DHX8: variants seen among roughly 807,000 people sequenced by gnomAD.
DHX8 encodes the protein ATP-dependent RNA helicase DHX8.
In DHX8, 67 loss-of-function variants were observed where a neutral mutation model predicts 140.7. That is an observed-to-expected ratio of 0.48 (90% confidence interval 0.39 to 0.58). DHX8 has a LOEUF of 0.58. Among genes scored for constraint, DHX8 ranks in the 20% least tolerant of loss-of-function variants. The probability of loss-of-function intolerance (pLI) is 0.00; values close to 1 mark genes in which losing one functional copy is unlikely to be tolerated. For synonymous variants in DHX8, 533 were observed against 553.2 expected, an observed-to-expected ratio of 0.96 and a Z score of 0.51; for missense variants, 887 against 1,550.7, an observed-to-expected ratio of 0.57 and a Z score of 7.19.
At chr17:43,514,968 G>C (rs1412827045) in intron 17 of DHX8, among the ~76,000 whole-genome samples, 1 of 152,110 alleles carries the variant, frequency 6.6e-6, no homozygotes, top group East Asian at 1.9e-4. Flanking sequence ...CATTTCTTCA[G>C]AGTATGTGTG....
Position 43,492,709 on chromosome 17 carries a change from C to G in DHX8, c.532C>G (p.Arg178Gly). 1 of 1,598,768 alleles carries G rather than the reference C, an allele frequency of 6.3e-7. No individual in the cohort carries two copies. Among genetic ancestry groups the G allele is most frequent in the Non-Finnish European group, 8.6e-7 (1 of 1,166,096 alleles). ...RDRTKKKKRSRSRDRNRDRDR... is the reference protein window; with the variant it reads ...RDRTKKKKRSGSRDRNRDRDR... Reference sequence around the variant, plus strand: ...CAGGACAAAGAAGAAGAAGCGGAGTCGAAGCCGAGATCGAAACCGAGATCG... The same window carrying G: ...CAGGACAAAGAAGAAGAAGCGGAGTGGAAGCCGAGATCGAAACCGAGATCG... Residue 178 changes from arginine (R) to glycine (G), a missense_variant, in exon 6 of 23, where the codon CGA becomes GGA. By Grantham distance (125) the Arg-to-Gly change is moderately radical. Coordinates refer to ENST00000262415, the MANE Select transcript of DHX8 (RefSeq NM_004941.3).
At chr17:43,507,300 C>T (rs1292015435) in intron 13 of DHX8, 103 bp downstream of exon 13, 2 of 1,332,662 alleles carry the variant, frequency 1.5e-6, no homozygotes, top group African/African-American at 2.9e-5. Context: ...TTTCAGGTTT[C>T]TCCTGAGGGA....
rs1287657058 is a variant in DHX8, at chr17:43,537,603, G to A, written c.*20+1105G>A. Among the ~76,000 whole-genome samples the A allele has an allele frequency of 2.6e-5, 4 of 151,892 alleles. No homozygotes were observed. The East Asian group carries it at 7.8e-4, about 29-fold the overall frequency. ...CCCAGCTACTCGGAAGGCTGAGGCAGGAGAATTGCTTGAACCCAGGAGGCA... is the reference window on the plus strand; with the variant it reads ...CCCAGCTACTCGGAAGGCTGAGGCAAGAGAATTGCTTGAACCCAGGAGGCA... On this transcript the variant is annotated intron_variant, in intron 3 of 3. Transcript: ENST00000589898.
Position 43,484,103 on chromosome 17 carries a change from T to G in DHX8, c.66T>G (p.Leu22=), listed in dbSNP as rs1967971196. The G allele has an allele frequency of 1.9e-6, 3 of 1,614,124 alleles. No individual in the cohort carries two copies. The highest frequency in any genetic ancestry group is 4.5e-5 in the East Asian group (2 of 44,874). ...CGGAGCCAGGCCCCGCGGAAGAACT[T>G]GCCAAACTCGAGTACCTGTCTTTGG... ...IGSEPGPAEE[L]AKLEYLSLVS... is the part of the protein sequence containing the mutation. The change falls in exon 1 of 23, where the codon CTT becomes CTG. Residue 22 remains leucine (L), a synonymous_variant. Coordinates refer to ENST00000262415, the MANE Select transcript of DHX8 (RefSeq NM_004941.3).
In DHX8 at chr17:43,507,103, G is replaced by A. The variant is rs1969540019; in HGVS notation, c.1829G>A (p.Arg610Lys). The A allele has an allele frequency of 6.2e-7, 1 of 1,613,976 alleles. No homozygotes were observed. The highest frequency in any genetic ancestry group is 1.7e-5 in the Admixed American group (1 of 59,984). The stretch of plus-strand genomic sequence containing the variant: ...CTGGCGGAGGCAGGCTACACTTCCA[G>A]GGGCAAGATTGGGTGTACCCAGCCC... Reference protein sequence around the residue: ...QYLAEAGYTSRGKIGCTQPRR... With the variant: ...QYLAEAGYTSKGKIGCTQPRR... Residue 610 changes from arginine to lysine, a missense_variant, in exon 13 of 23, where the codon AGG (arginine) becomes AAG (lysine). Transcript: ENST00000262415.
At chr17:43,539,169 G>A (rs909367114) in intron 3 of DHX8, among the ~76,000 whole-genome samples, 1 of 152,090 alleles carries the variant, frequency 6.6e-6, no homozygotes, top group African/African-American at 2.4e-5. Context: ...GCTTGCCCTT[G>A]GCCTCCAAGG....
intron 3 of DHX8, among the ~76,000 whole-genome samples, chr17:43,537,785 G>A (rs897915370): frequency 5.3e-5 from 8 of 152,036 alleles, no homozygotes; most frequent in East Asian, 1.9e-4. Flanking sequence ...ACGAGGTCAG[G>A]AGTTTGAGAC....
chr17:43,491,151 T>C lies in DHX8; in HGVS notation c.308-14T>C. 1 of 1,454,344 alleles carries C rather than the reference T, an allele frequency of 6.9e-7. No homozygotes were observed. Among genetic ancestry groups the C allele is most frequent in the African/African-American group, 1.4e-5 (1 of 70,282 alleles). 90.1% of individuals were successfully genotyped at this position (1,454,344 alleles called of 1,614,324 possible). A position where few individuals can be genotyped will look rare whatever the true frequency, so the allele number is the denominator to read the frequency against. On this transcript the variant is annotated splice_polypyrimidine_tract_variant and intron_variant, in intron 3 of 22. Coordinates refer to ENST00000262415, the MANE Select transcript of DHX8 (RefSeq NM_004941.3). The stretch of plus-strand genomic sequence containing the variant: ...CTCTTTTTTTAACCCCTTCATGCTC[T>C]TTAATGAAACAAGATCCAGTTGTTA...
At chr17:43,528,411 G>A (rs1970691087), downstream of DHX8, 2 of 752,226 alleles carry the variant, frequency 2.7e-6, no homozygotes, top group Admixed American at 5.7e-5. Flanking sequence ...GTGGGGATCT[G>A]CCCCAGAGAC....
chr17:43,516,449 T>A (rs1250788331), intron 17 of DHX8, among the ~76,000 whole-genome samples: 1 of 151,804 alleles, frequency 6.6e-6, no homozygotes, highest in Admixed American at 6.5e-5. Flanking sequence ...TTTTATTTTT[T>A]ATTTTATTTT....
At chr17:43,520,715 C>T (rs765497951) in intron 19 of DHX8, 36 bp from the exon 20 acceptor site, 60 of 1,613,306 alleles carry the variant, frequency 3.7e-5, no homozygotes, top group East Asian at 3.3e-4. Context: ...GTGTCTTCCA[C>T]AGGGAAGCAG....
chr17:43,513,298 A>G, intron 16 of DHX8, 64 bp from the exon 17 acceptor site: 2 of 1,537,034 alleles, frequency 1.3e-6, no homozygotes, highest in Non-Finnish European at 8.8e-7. Context: ...GGTTCAGAAG[A>G]CCTTTTCACA....
chr17:43,493,364 TGTTA>T, intron 6 of DHX8, 77 bp from the exon 7 acceptor site: 1 of 1,543,170 alleles, frequency 6.5e-7, no homozygotes, highest in South Asian at 1.2e-5. Flanking sequence ...CATTTTCTTT[TGTTA>T]GTTCCAGTAA....
intron 2 of DHX8, among the ~76,000 whole-genome samples, chr17:43,535,099 G>A (rs555818068): frequency 2.6e-5 from 4 of 152,302 alleles, no homozygotes; most frequent in Middle Eastern, 3.4e-3. Flanking sequence ...CTCTGGCCAC[G>A]AGGCTGAGCA....
Position 43,484,081 on chromosome 17 carries a change from A to G in DHX8, c.44A>G (p.Glu15Gly). The G allele has an allele frequency of 6.2e-7, 1 of 1,614,130 alleles. No individual in the cohort carries two copies. The highest frequency in any genetic ancestry group is 8.5e-7 in the Non-Finnish European group (1 of 1,180,022). ...VAMAGALIGS[E>G]PGPAEELAKL... ...ATGGCGGGAGCCTTAATCGGGTCGG[A>G]GCCAGGCCCCGCGGAAGAACTTGCC... The change falls in exon 1 of 23, where the codon GAG (glutamate) becomes GGG (glycine). Residue 15 changes from glutamate (E) to glycine (G), a missense_variant. Around this residue, in one of 9 missense-constraint regions of DHX8, gnomAD observed 32 missense variants for 25.1 expected, o/e 1.28. Coordinates refer to ENST00000262415, the MANE Select transcript of DHX8 (RefSeq NM_004941.3).
chr17:43,525,173 G>T lies in DHX8; in HGVS notation c.*1326G>T. 1 of 985,458 alleles carries T rather than the reference G, an allele frequency of 1.0e-6. No individual in the cohort carries two copies. Among genetic ancestry groups the T allele is most frequent in the African/African-American group, 1.7e-5 (1 of 57,338 alleles). 61.0% of individuals were successfully genotyped at this position (985,458 alleles called of 1,614,324 possible). ...TCGGAACTTACGGAAAGCTGGTCTGGATGTAGTGCTTGTAGAGAAGCTTCT... is the reference window on the plus strand; with the variant it reads ...TCGGAACTTACGGAAAGCTGGTCTGTATGTAGTGCTTGTAGAGAAGCTTCT... On this transcript the variant is annotated 3_prime_UTR_variant, in exon 23 of 23. Coordinates refer to ENST00000262415, the MANE Select transcript of DHX8 (RefSeq NM_004941.3).
intron 1 of DHX8, among the ~76,000 whole-genome samples, chr17:43,489,247 C>T (rs535065509): frequency 1.2e-4 from 19 of 152,314 alleles, no homozygotes; most frequent in East Asian, 3.9e-4. Flanking sequence ...TCAAGTGATC[C>T]GCCTGCCTTG....
At chr17:43,501,325 A>C (rs1969183228) in intron 11 of DHX8, among the ~76,000 whole-genome samples, 1 of 152,072 alleles carries the variant, frequency 6.6e-6, no homozygotes, top group South Asian at 2.1e-4. Flanking sequence ...GGGGTGGGAA[A>C]GAAGGAACTG....
intron 19 of DHX8, 81 bp from the exon 20 acceptor site, chr17:43,520,665 TACCCA>T: frequency 2.6e-6 from 4 of 1,541,468 alleles, no homozygotes; most frequent in Non-Finnish European, 3.6e-6. Flanking sequence ...TCTGTGTTGT[TACCCA>T]CTCTGACCAA....
Sources: gnomAD v4.1 joint callset for allele counts (sites outside exome capture counted in the v4.1 genomes callset) on GRCh38, gnomAD v4.1.1 for gene constraint, gnomAD v4.1.1 regional missense constraint, MANE v1.5 for transcripts, NCBI Gene and HGNC (gene_info 2026-07-23, HGNC 2026-07-21) for gene names.